WWP1: variants seen among roughly 807,000 people sequenced by gnomAD.
WWP1 encodes NEDD4-like E3 ubiquitin-protein ligase WWP1.
WWP1 carries 49 observed loss-of-function variants against 130.6 expected under a neutral mutation model. That is an observed-to-expected ratio of 0.38 (90% confidence interval 0.30 to 0.48). The LOEUF is 0.48. Ranked by LOEUF, WWP1 falls within the 20% of genes least tolerant of loss-of-function variation. The pLI, the probability that WWP1 is intolerant of heterozygous loss-of-function variation, is 0.99. For synonymous variants in WWP1, 332 were observed against 367.8 expected (o/e 0.90, Z 1.11); for missense variants, 809 against 1,100.6 (o/e 0.74, Z 3.75).
chr8:86,377,252 ATTTT>A (rs35139758), intron 3 of WWP1, among the ~76,000 whole-genome samples: 2 of 138,884 alleles, frequency 1.4e-5, no homozygotes, highest in Non-Finnish European at 1.6e-5. Context: ...TTCCTGTCTA[ATTTT>A]TTTTTTTTTT....
At chr8:86,347,261 C>G (rs961390005) in intron 1 of WWP1, among the ~76,000 whole-genome samples, 3 of 152,200 alleles carry the variant, frequency 2.0e-5, no homozygotes, top group African/African-American at 7.2e-5. Context: ...GCTGGAATTA[C>G]AGGCGTGAGC....
intron 24 of WWP1, 55 bp from the exon 25 acceptor site, chr8:86,466,739 T>C: frequency 8.4e-7 from 1 of 1,197,196 alleles, no homozygotes; most frequent in East Asian, 2.4e-5. Flanking sequence ...AAGTATTCTA[T>C]TAGATTTTTT....
chr8:86,439,203 C>T (rs548596568), intron 17 of WWP1, among the ~76,000 whole-genome samples: 20 of 152,046 alleles, frequency 1.3e-4, no homozygotes, highest in South Asian at 8.3e-4. Flanking sequence ...ATTAGCCAGG[C>T]GTGGTGGTGG....
intron 5 of WWP1, among the ~76,000 whole-genome samples, chr8:86,396,896 G>C (rs1807708559): frequency 6.6e-6 from 1 of 152,120 alleles, no homozygotes; most frequent in Non-Finnish European, 1.5e-5. Context: ...ACCGTGTCTG[G>C]CCTTAATTTT....
intron 16 of WWP1, among the ~76,000 whole-genome samples, chr8:86,436,334 A>G (rs530789264): frequency 4.6e-5 from 7 of 152,334 alleles, no homozygotes; most frequent in Non-Finnish European, 1.0e-4. Context: ...ACTGTATTCC[A>G]TTTGAGAATT....
intron 18 of WWP1, among the ~76,000 whole-genome samples, chr8:86,446,348 T>C (rs1163643812): frequency 3.3e-5 from 5 of 152,152 alleles, no homozygotes; most frequent in African/African-American, 1.2e-4. Context: ...GGGTTTTTTT[T>C]TCTTGTTGAT....
rs546374436 is a variant in WWP1 at position 86,354,695 on chromosome 8, C to T, written c.-115+11765C>T. Among the ~76,000 whole-genome samples the T allele has an allele frequency of 7.9e-5, 12 of 152,156 alleles. No homozygotes were observed. In the East Asian group the frequency reaches 2.1e-3, roughly 27 times the overall value. ...GGCAGTACTGTATTCCTTTCAAGTT[C>T]TTAAATGTAATTTCTAATCCTTACT... is the stretch of plus-strand genomic sequence containing the variant. On this transcript the variant is annotated intron_variant, in intron 1 of 24. Coordinates refer to ENST00000517970, the MANE Select transcript of WWP1 (RefSeq NM_007013.4).
At chr8:86,369,853 G>A (rs1252777989) in intron 2 of WWP1, among the ~76,000 whole-genome samples, 1 of 151,914 alleles carries the variant, frequency 6.6e-6, no homozygotes. Flanking sequence ...TGATGAGTTA[G>A]TGATTTATAC....
chr8:86,449,251 T>A (rs10099858), intron 20 of WWP1, among the ~76,000 whole-genome samples: 30,135 of 152,210 alleles, frequency 0.2, 5,099 homozygotes, highest in African/African-American at 0.46. Context: ...TAGCTTCAAT[T>A]TTCTGTTAAA....
At chr8:86,422,737 C>G (rs546983149) in intron 9 of WWP1, among the ~76,000 whole-genome samples, 1 of 151,670 alleles carries the variant, frequency 6.6e-6, no homozygotes, top group Non-Finnish European at 1.5e-5. Flanking sequence ...GAGAAATTAA[C>G]GGGAATCACA....
intron 12 of WWP1, 74 bp downstream of exon 12, chr8:86,430,825 A>T (rs1283001310): frequency 2.0e-6 from 1 of 491,594 alleles, no homozygotes; most frequent in Non-Finnish European, 2.8e-6. Context: ...ATATATATAT[A>T]TATATATGTT....
chr8:86,408,336 C>T (rs982148221), intron 8 of WWP1, among the ~76,000 whole-genome samples: 7 of 152,278 alleles, frequency 4.6e-5, no homozygotes, highest in Admixed American at 2.0e-4. Flanking sequence ...CAGGCTCTTA[C>T]GTGAATATAA....
chr8:86,418,850 A>G (rs1365921021), intron 9 of WWP1, among the ~76,000 whole-genome samples: 1 of 152,202 alleles, frequency 6.6e-6, no homozygotes, highest in Non-Finnish European at 1.5e-5. Flanking sequence ...AGATCCCAGA[A>G]TATTGACAAC....
rs1417368330 is a variant in WWP1 at position 86,342,717 on chromosome 8, G to A, written c.-328G>A. ...GGGGTGGCGCGTGGACGGGGTGGGGGTGGGGGGAGGGTCGGGTGTCGGCGA... is the reference window on the plus strand; with the variant it reads ...GGGGTGGCGCGTGGACGGGGTGGGGATGGGGGGAGGGTCGGGTGTCGGCGA... On this transcript the variant is annotated 5_prime_UTR_variant, in exon 1 of 25. In the 5' UTR this introduces an upstream ATG that the reference lacks. Transcript: ENST00000517970. The A allele has an allele frequency of 6.2e-6, 2 of 322,334 alleles. No homozygotes were observed. Among genetic ancestry groups the A allele is most frequent in the Non-Finnish European group, 5.6e-6 (1 of 179,938 alleles). 20.0% of individuals were successfully genotyped at this position (322,334 alleles called of 1,614,324 possible).
intron 2 of WWP1, 65 bp downstream of exon 2, chr8:86,369,096 A>G (rs1418775508): frequency 6.6e-6 from 1 of 152,086 alleles, no homozygotes. Context: ...ATACATTTTG[A>G]TAGTTAATTA....
chr8:86,418,689 G>A (rs1016464703), intron 9 of WWP1, among the ~76,000 whole-genome samples: 1 of 152,120 alleles, frequency 6.6e-6, no homozygotes, highest in Admixed American at 6.5e-5. Context: ...TCTGCCTAGG[G>A]GTTTTCTCAC....
At chr8:86,395,640 T>G (rs1214588033) in intron 5 of WWP1, among the ~76,000 whole-genome samples, 2 of 152,198 alleles carry the variant, frequency 1.3e-5, no homozygotes, top group African/African-American at 4.8e-5. Context: ...TTTTTGTTTT[T>G]TAGTCTACCT....
Position 86,459,032 on chromosome 8 carries a change from T to C in WWP1, c.2499+1007T>C, listed in dbSNP as rs536608438. 2.7e-3 allele frequency among the ~76,000 whole-genome samples: 332 copies of C among 121,994 alleles called. 1 individual carries two copies. Among genetic ancestry groups the C allele is most frequent in the African/African-American group, 8.8e-3 (312 of 35,548 alleles). The allele number at this position is 121,994 out of a possible 152,430, so 80.0% of individuals were successfully genotyped here. Reference sequence around the variant, plus strand: ...TTTCTTTTTCTTTTTTCTTTTTTTTTTTTTTTTTTTTTTTTGAGACAGAGT... The same window carrying C: ...TTTCTTTTTCTTTTTTCTTTTTTTTCTTTTTTTTTTTTTTTGAGACAGAGT... On this transcript the variant is annotated intron_variant, in intron 22 of 24. Coordinates refer to ENST00000517970, the MANE Select transcript of WWP1 (RefSeq NM_007013.4).
At chr8:86,394,234 C>G (rs1807520335) in intron 5 of WWP1, among the ~76,000 whole-genome samples, 1 of 152,116 alleles carries the variant, frequency 6.6e-6, no homozygotes, top group African/African-American at 2.4e-5. Flanking sequence ...ATTTATAGAA[C>G]AGATTACCTA....
Sources: gnomAD v4.1 joint callset for allele counts (sites outside exome capture counted in the v4.1 genomes callset) on GRCh38, gnomAD v4.1.1 for gene constraint, MANE v1.5 for transcripts, NCBI Gene and HGNC (gene_info 2026-07-23, HGNC 2026-07-21) for gene names.